PKIB: variants seen among roughly 807,000 people sequenced by gnomAD.
The protein encoded by PKIB is cAMP-dependent protein kinase inhibitor beta, also known as PKI-beta.
In PKIB, 2 loss-of-function variants were observed where a neutral mutation model predicts 4.5. The ratio of observed to expected loss-of-function variants is 0.44; its 90% CI spans 0.18 to 1.39. The LOEUF (loss-of-function observed/expected upper bound fraction) is 1.39. Among genes scored for constraint, PKIB ranks in the 40% most tolerant of loss-of-function variants. PKIB has a pLI of 0.27. For missense variants in PKIB, 94 were observed against 92.6 expected, an observed-to-expected ratio of 1.02 and a Z score of -0.06; for synonymous variants, 38 against 36.0, an observed-to-expected ratio of 1.06 and a Z score of -0.20.
intron 3 of PKIB, among the ~76,000 whole-genome samples, chr6:122,598,685 T>G (rs1209314706): frequency 6.6e-6 from 1 of 152,188 alleles, no homozygotes; most frequent in African/African-American, 2.4e-5. Context: ...CCAATCTCCC[T>G]AAGCCTTTCG....
intron 2 of PKIB, among the ~76,000 whole-genome samples, chr6:122,651,299 T>C (rs1776543966): frequency 6.6e-6 from 1 of 152,206 alleles, no homozygotes; most frequent in Admixed American, 6.5e-5. Context: ...CTCATGCAAT[T>C]CGTTTGGTAT....
At chr6:122,611,325 C>T (rs1223823408) in intron 1 of PKIB, among the ~76,000 whole-genome samples, 1 of 152,188 alleles carries the variant, frequency 6.6e-6, no homozygotes, top group Non-Finnish European at 1.5e-5. Context: ...CTTCGTAGAG[C>T]TCCCCGGGGA....
intron 3 of PKIB, among the ~76,000 whole-genome samples, chr6:122,683,446 A>G (rs1777977738): frequency 1.3e-5 from 2 of 152,258 alleles, no homozygotes; most frequent in East Asian, 3.9e-4. Context: ...ACCAAGCCAT[A>G]AGGAATTCAC....
chr6:122,500,081 C>A (rs1022016886), intron 2 of PKIB, among the ~76,000 whole-genome samples: 2 of 152,134 alleles, frequency 1.3e-5, no homozygotes, highest in Non-Finnish European at 2.9e-5. Context: ...ATTACATGCC[C>A]ATGGATTGGA....
intron 2 of PKIB, among the ~76,000 whole-genome samples, chr6:122,522,554 G>A (rs938559753): frequency 3.9e-5 from 6 of 152,238 alleles, no homozygotes; most frequent in African/African-American, 1.4e-4. Flanking sequence ...CCCTGGTGGT[G>A]TAGGCACCAG....
chr6:122,517,221 T>TA (rs1180755432), intron 2 of PKIB, among the ~76,000 whole-genome samples: 1 of 152,170 alleles, frequency 6.6e-6, no homozygotes, highest in African/African-American at 2.4e-5. Flanking sequence ...CAAGTCAAGT[T>TA]ATAGAATGTT....
chr6:122,629,386 A>G (rs1288473329), intron 1 of PKIB, among the ~76,000 whole-genome samples: 1 of 152,216 alleles, frequency 6.6e-6, no homozygotes, highest in Non-Finnish European at 1.5e-5. Flanking sequence ...AGTATAAAAT[A>G]TAATATCTAT....
intron 2 of PKIB, among the ~76,000 whole-genome samples, chr6:122,540,475 A>T (rs532853751): frequency 6.6e-6 from 1 of 151,934 alleles, no homozygotes; most frequent in African/African-American, 2.4e-5. Context: ...TTCAGTTTCC[A>T]TGTAGTTGAG....
chr6:122,542,850 C>G (rs1415874911), intron 2 of PKIB, among the ~76,000 whole-genome samples: 1 of 152,132 alleles, frequency 6.6e-6, no homozygotes, highest in East Asian at 1.9e-4. Context: ...CCTCCTTGAG[C>G]TGTGGTGGGC....
rs541519594 is a variant in PKIB at position 122,572,720 on chromosome 6, A to G, written c.-247-13201A>G. Among the ~76,000 whole-genome samples, 6 of 152,204 alleles carry G rather than the reference A, an allele frequency of 3.9e-5. No homozygotes were observed. The South Asian group carries it at 8.3e-4, about 21-fold the overall frequency. Reference sequence around the variant, plus strand: ...AAAAGATAAACAAAATTGATAAACTATTAGTGAGATTAACCAAGAAAAGAA... The same window carrying G: ...AAAAGATAAACAAAATTGATAAACTGTTAGTGAGATTAACCAAGAAAAGAA... On this transcript the variant is annotated intron_variant, in intron 2 of 6. Coordinates refer to the PKIB transcript ENST00000392491.
intron 2 of PKIB, among the ~76,000 whole-genome samples, chr6:122,486,947 A>C (rs1562225626): frequency 9.7e-6 from 1 of 103,328 alleles, no homozygotes; most frequent in Non-Finnish European, 2.1e-5. Flanking sequence ...CTATCTATCT[A>C]TCTAACTACT....
chr6:122,537,370 T>C (rs1246389755), intron 2 of PKIB, among the ~76,000 whole-genome samples: 1 of 151,946 alleles, frequency 6.6e-6, no homozygotes, highest in Non-Finnish European at 1.5e-5. Context: ...CCTGTGTCCA[T>C]GTGTTTTCCT....
intron 2 of PKIB, chr6:122,493,537 A>G (rs1775995226): frequency 6.6e-6 from 1 of 152,134 alleles, no homozygotes; most frequent in Non-Finnish European, 1.5e-5. Flanking sequence ...TTTCTAACAG[A>G]TTTTATTTTA....
chr6:122,552,730 A>G (rs1772715447), intron 2 of PKIB, among the ~76,000 whole-genome samples: 1 of 152,088 alleles, frequency 6.6e-6, no homozygotes, highest in Non-Finnish European at 1.5e-5. Flanking sequence ...CTCCCTAGAA[A>G]TAGTTTTCTC....
intron 3 of PKIB, among the ~76,000 whole-genome samples, chr6:122,706,845 C>T (rs1050508293): frequency 2.6e-5 from 4 of 151,982 alleles, no homozygotes; most frequent in Admixed American, 2.0e-4. Flanking sequence ...TTAATAATAA[C>T]ATACACAAAG....
intron 3 of PKIB, among the ~76,000 whole-genome samples, chr6:122,675,897 G>A (rs1417323815): frequency 6.6e-6 from 1 of 152,050 alleles, no homozygotes; most frequent in Non-Finnish European, 1.5e-5. Flanking sequence ...AGAACACAGA[G>A]TTGATGGTGT....
rs554607680 is a variant in PKIB at position 122,540,091 on chromosome 6, C to T, written c.-247-45830C>T. Among the ~76,000 whole-genome samples, 3 of 152,084 alleles carry T rather than the reference C, an allele frequency of 2.0e-5. 1 individual carries two copies. In the South Asian group the frequency reaches 6.2e-4, roughly 32 times the overall value. ...TCTCTTTTATTCTTTATTAGTCTTG[C>T]TAGCGATCTATTGATTTTGTTGATC... On this transcript the variant is annotated intron_variant, in intron 2 of 6. Coordinates refer to the PKIB transcript ENST00000392491.
chr6:122,519,612 G>A (rs1776872622), intron 2 of PKIB, among the ~76,000 whole-genome samples: 2 of 152,126 alleles, frequency 1.3e-5, no homozygotes, highest in African/African-American at 4.8e-5. Flanking sequence ...AAAGAATGAT[G>A]GGTTAAAACA....
chr6:122,524,986 A>AT (rs1160916430), intron 2 of PKIB, among the ~76,000 whole-genome samples: 3 of 145,064 alleles, frequency 2.1e-5, no homozygotes, highest in African/African-American at 7.6e-5. Flanking sequence ...AATTTTTATT[A>AT]TTTTTTTCCT....
Sources: gnomAD v4.1 joint callset for allele counts (sites outside exome capture counted in the v4.1 genomes callset) on GRCh38, gnomAD v4.1.1 for gene constraint, MANE v1.5 for transcripts, NCBI Gene and HGNC (gene_info 2026-07-23, HGNC 2026-07-21) for gene names.